CCDC141: variants seen among roughly 807,000 people sequenced by gnomAD.
CCDC141 encodes coiled-coil domain containing 141, also known as coiled-coil domain-containing protein 141.
Under a neutral mutation model 181.0 loss-of-function variants are expected in CCDC141, and 168 were observed. The observed-to-expected ratio is 0.93, with a 90% CI of 0.82 to 1.05. The LOEUF (loss-of-function observed/expected upper bound fraction) is 1.05, where lower values mean the gene tolerates loss of function less well. CCDC141 is among the 50% of genes least tolerant of loss of function. The probability of loss-of-function intolerance (pLI) is 0.00; values close to 1 mark genes in which losing one functional copy is unlikely to be tolerated. For synonymous variants in CCDC141, 666 were observed against 642.3 expected, an observed-to-expected ratio of 1.04 and a Z score of -0.56; for missense variants, 1,902 against 1,788.5, an observed-to-expected ratio of 1.06 and a Z score of -1.14.
chr2:179,001,074 C>T (rs2041956504), intron 2 of CCDC141, among the ~76,000 whole-genome samples: 1 of 152,022 alleles, frequency 6.6e-6, no homozygotes, highest in Non-Finnish European at 1.5e-5. Flanking sequence ...CTTGAGAACA[C>T]AAGAACTCAG....
intron 2 of CCDC141, among the ~76,000 whole-genome samples, chr2:179,045,681 C>T (rs1416995105): frequency 3.3e-5 from 5 of 151,870 alleles, no homozygotes; most frequent in Non-Finnish European, 7.4e-5. Context: ...CTGTTGTTTC[C>T]TGACTTTTTA....
At chr2:179,008,784 G>C (rs1188065243) in intron 2 of CCDC141, among the ~76,000 whole-genome samples, 1 of 151,988 alleles carries the variant, frequency 6.6e-6, no homozygotes, top group Non-Finnish European at 1.5e-5. Context: ...GGACTATCAG[G>C]GTACCTGAAA....
At chr2:179,037,159 G>T (rs1264746182) in intron 2 of CCDC141, among the ~76,000 whole-genome samples, 1 of 152,204 alleles carries the variant, frequency 6.6e-6, no homozygotes, top group African/African-American at 2.4e-5. Flanking sequence ...GCAACCCATA[G>T]TTCAGTGGAT....
At position 178,872,232 on chromosome 2, in the gene CCDC141, C is replaced by G; in HGVS notation, c.1980G>C (p.Arg660=). The G allele has an allele frequency of 6.2e-7, 1 of 1,614,032 alleles. No homozygotes were observed. Among genetic ancestry groups the G allele is most frequent in the Non-Finnish European group, 8.5e-7 (1 of 1,179,978 alleles). Residue 660 remains arginine, a synonymous_variant, in exon 13 of 24, where the codon CGG becomes CGC. Transcript: ENST00000443758. ...CCAGCCGAAGGAGGCTAAGTTCTTCCCGTTCTGCTTTCTGGTTTTCCATGG... is the reference window on the plus strand; with the variant it reads ...CCAGCCGAAGGAGGCTAAGTTCTTCGCGTTCTGCTTTCTGGTTTTCCATGG... ...KNTMENQKAE[R]EELSLLRLAW...
rs1160920024 is a variant in CCDC141, at chr2:178,845,655, G to A, written c.3445C>T (p.Gln1149Ter). 3 of 1,604,450 alleles carry A rather than the reference G, an allele frequency of 1.9e-6. No homozygotes were observed. The South Asian group carries it at 3.3e-5, about 18-fold the overall frequency. The change falls in exon 22 of 24, where the codon CAG becomes TAG. Residue 1149 changes from glutamine (Q) to a stop codon, truncating the protein, a stop_gained. Coordinates refer to ENST00000443758, the MANE Select transcript of CCDC141 (RefSeq NM_173648.4). LOFTEE classifies it high-confidence loss of function. ...DLLKEPAKNK[Q>*]TIFNEERNKG... ...TTCCTTTCTTCATTGAATATTGTCT[G>A]CTTATTTTTTGCTGGTTCCTTTAGC...
At chr2:178,990,976 T>G (rs988633165) in intron 2 of CCDC141, among the ~76,000 whole-genome samples, 19 of 152,112 alleles carry the variant, frequency 1.2e-4, no homozygotes, top group Non-Finnish European at 2.4e-4. Flanking sequence ...GGAAAACCAC[T>G]CGGCACAAAA....
chr2:178,868,668 T>C (rs1383426233), intron 15 of CCDC141, among the ~76,000 whole-genome samples: 1 of 139,304 alleles, frequency 7.2e-6, no homozygotes, highest in Non-Finnish European at 1.5e-5. Flanking sequence ...TAGAATTGAA[T>C]TGGGGCGGGG....
chr2:179,014,547 T>C (rs1175797218), intron 2 of CCDC141, among the ~76,000 whole-genome samples: 2 of 151,904 alleles, frequency 1.3e-5, no homozygotes, highest in Non-Finnish European at 2.9e-5. Flanking sequence ...ATATCCAGAA[T>C]CTACAATGAA....
chr2:178,905,466 A>G lies in CCDC141; in HGVS notation c.1128T>C (p.Leu376=). 1 of 1,550,832 alleles carries G rather than the reference A, an allele frequency of 6.4e-7. No homozygotes were observed. The highest frequency in any genetic ancestry group is 8.7e-7 in the Non-Finnish European group (1 of 1,147,008). The change falls in exon 8 of 24, where the codon CTT becomes CTC. Residue 376 remains leucine, a synonymous_variant. Coordinates refer to ENST00000443758, the MANE Select transcript of CCDC141 (RefSeq NM_173648.4). The part of the protein sequence containing the change: ...FDVLGRVEAY[L]KLLKSEGLSL... ...TTAAACCCTCTGATTTAAGGAGCTTAAGGTAAGCTTCAACTCTTCCAAGTA... is the reference window on the plus strand; with the variant it reads ...TTAAACCCTCTGATTTAAGGAGCTTGAGGTAAGCTTCAACTCTTCCAAGTA...
chr2:178,962,719 C>A (rs1313075960), intron 4 of CCDC141, among the ~76,000 whole-genome samples: 1 of 151,502 alleles, frequency 6.6e-6, no homozygotes, highest in Non-Finnish European at 1.5e-5. Flanking sequence ...CAATGGCACC[C>A]CAATGCCTTA....
At chr2:179,015,787 CAT>C (rs1678506914) in intron 2 of CCDC141, among the ~76,000 whole-genome samples, 3 of 136,150 alleles carry the variant, frequency 2.2e-5, no homozygotes, top group Admixed American at 7.7e-5. Context: ...ATATATGTAT[CAT>C]ATATATCTCA....
rs138694304 is a variant in CCDC141, at chr2:178,972,023, T to C, written c.526+3034A>G. ...AACCACCATGGCACATATATACCTA[T>C]GTAACAAAACTGCACGTTCTGAACA... On this transcript the variant is annotated intron_variant, in intron 4 of 23. Transcript: ENST00000443758. Among the ~76,000 whole-genome samples the C allele has an allele frequency of 3.6e-4, 55 of 151,904 alleles. 1 individual carries two copies. In the East Asian group the frequency reaches 0.01, roughly 28 times the overall value.
At position 178,975,130 on chromosome 2, in the gene CCDC141, G is replaced by A. The variant is rs376695532; in HGVS notation, c.453C>T (p.Leu151=). The change falls in exon 4 of 24, where the codon CTC becomes CTT. Residue 151 remains leucine, a synonymous_variant. Coordinates refer to ENST00000443758, the MANE Select transcript of CCDC141 (RefSeq NM_173648.4). The part of the protein sequence containing the change: ...AIKIDQAEDF[L]QNTHEFESAE... ...CACTCTCAAACTCATGAGTATTCTGGAGGAAATCTTCAGCTTGGTCTATTT... is the reference window on the plus strand; with the variant it reads ...CACTCTCAAACTCATGAGTATTCTGAAGGAAATCTTCAGCTTGGTCTATTT... 3.3e-6 allele frequency: 5 copies of A among 1,515,514 alleles called. No homozygotes were observed. The South Asian group carries it at 6.2e-5, about 19-fold the overall frequency. 93.9% of individuals were successfully genotyped at this position (1,515,514 alleles called of 1,614,324 possible). A position where few individuals can be genotyped will look rare whatever the true frequency, so the allele number is the denominator to read the frequency against.
At chr2:178,856,073 A>T (rs571862814) in intron 18 of CCDC141, among the ~76,000 whole-genome samples, 184 bp downstream of exon 18, 1 of 152,346 alleles carries the variant, frequency 6.6e-6, no homozygotes, top group African/African-American at 2.4e-5. Flanking sequence ...GAGGTAAATC[A>T]ATTTATTATG....
intron 10 of CCDC141, among the ~76,000 whole-genome samples, chr2:178,886,019 A>C (rs1213646615): frequency 6.6e-6 from 1 of 152,136 alleles, no homozygotes; most frequent in African/African-American, 2.4e-5. Context: ...CATAAGTTCT[A>C]AGTATTCTAA....
At chr2:178,870,351 T>A (rs1686061806) in intron 14 of CCDC141, among the ~76,000 whole-genome samples, 1 of 151,118 alleles carries the variant, frequency 6.6e-6, no homozygotes, top group African/African-American at 2.4e-5. Flanking sequence ...ACTAAGGAGA[T>A]AATTTTCAGA....
chr2:179,018,597 C>T (rs1188759039), intron 2 of CCDC141, among the ~76,000 whole-genome samples: 1 of 152,146 alleles, frequency 6.6e-6, no homozygotes, highest in Non-Finnish European at 1.5e-5. Context: ...GCCTTCAAGT[C>T]CCAATTACAA....
chr2:178,900,277 T>C (rs1687622532), intron 8 of CCDC141, among the ~76,000 whole-genome samples: 1 of 152,068 alleles, frequency 6.6e-6, no homozygotes, highest in African/African-American at 2.4e-5. Context: ...AAAAACAGGA[T>C]TGTAGATGTC....
chr2:178,984,899 C>A (rs961224597), intron 2 of CCDC141, among the ~76,000 whole-genome samples: 6 of 151,182 alleles, frequency 4.0e-5, no homozygotes, highest in African/African-American at 1.5e-4. Flanking sequence ...CAACATTAGA[C>A]AGATCAACGA....
Sources: allele counts gnomAD v4.1 joint callset (sites outside exome capture counted in the v4.1 genomes callset), GRCh38; gene constraint gnomAD v4.1.1; transcripts MANE v1.5; gene names NCBI Gene and HGNC (gene_info 2026-07-23, HGNC 2026-07-21).